Variants in SETDB2 observed in about 807,000 individuals in gnomAD.
SETDB2 encodes the protein SET domain bifurcated histone lysine methyltransferase 2.
SETDB2 carries 56 observed loss-of-function variants against 82.5 expected under a neutral mutation model. The observed-to-expected ratio is 0.68, with a 90% CI of 0.55 to 0.85. SETDB2 has a LOEUF of 0.85. Ranked by LOEUF, SETDB2 falls within the 40% of genes least tolerant of loss-of-function variation. The pLI is 0.00. For synonymous variants in SETDB2, 272 were observed against 284.9 expected, an observed-to-expected ratio of 0.95 and a Z score of 0.46; for missense variants, 677 against 816.4, an observed-to-expected ratio of 0.83 and a Z score of 2.08.
chr13:49,470,689 A>G (rs941681837), intron 5 of SETDB2, among the ~76,000 whole-genome samples: 1 of 152,182 alleles, frequency 6.6e-6, no homozygotes, highest in African/African-American at 2.4e-5. Context: ...CTCTACAAAA[A>G]GTAACAAAAA....
intron 10 of SETDB2, among the ~76,000 whole-genome samples, chr13:49,484,990 A>G (rs1050193176): frequency 2.6e-5 from 4 of 152,266 alleles, no homozygotes; most frequent in Non-Finnish European, 5.9e-5. Context: ...ATGTTTCAGA[A>G]TTATGAGGAT....
intron 6 of SETDB2, among the ~76,000 whole-genome samples, chr13:49,478,358 C>G (rs1958412674): frequency 6.6e-6 from 1 of 152,198 alleles, no homozygotes; most frequent in African/African-American, 2.4e-5. Flanking sequence ...GCCAGTATCT[C>G]ACAGGGCCTG....
chr13:49,475,708 G>A (rs907095829), intron 5 of SETDB2, among the ~76,000 whole-genome samples: 2 of 151,804 alleles, frequency 1.3e-5, no homozygotes, highest in African/African-American at 4.8e-5. Flanking sequence ...GGCTGATCTT[G>A]AGCTCCTGAG....
chr13:49,450,614 T>C (rs1361543846), intron 1 of SETDB2, among the ~76,000 whole-genome samples: 2 of 152,126 alleles, frequency 1.3e-5, no homozygotes, highest in African/African-American at 4.8e-5. Context: ...TAGCTTCCCA[T>C]CTGTTTCCTT....
rs893811882 is a variant in SETDB2 at position 49,444,439 on chromosome 13, C to T, written c.-760C>T. 40 of 183,432 alleles carry T rather than the reference C, an allele frequency of 2.2e-4. No individual in the cohort carries two copies. The highest frequency in any genetic ancestry group is 3.4e-4 in the Non-Finnish European group (29 of 84,450). The allele number at this position is 183,432 out of a possible 1,614,324, so 11.4% of individuals were successfully genotyped here. A position where few individuals can be genotyped will look rare whatever the true frequency, so the allele number is the denominator to read the frequency against. On this transcript the variant is annotated 5_prime_UTR_variant, in exon 1 of 14. Transcript: ENST00000611815. ...AGCCCCACCCGCGGAGGAACCCAGCCTTGCCAACGGAGCTGGCGGAGCTCA... is the reference window on the plus strand; with the variant it reads ...AGCCCCACCCGCGGAGGAACCCAGCTTTGCCAACGGAGCTGGCGGAGCTCA...
intron 4 of SETDB2, among the ~76,000 whole-genome samples, chr13:49,465,303 A>G (rs1188976146): frequency 6.6e-6 from 1 of 152,150 alleles, no homozygotes; most frequent in Non-Finnish European, 1.5e-5. Context: ...GAGAGAAATT[A>G]TTTCCCTTTC....
At chr13:49,475,551 A>G (rs1958338280) in intron 5 of SETDB2, among the ~76,000 whole-genome samples, 1 of 151,774 alleles carries the variant, frequency 6.6e-6, no homozygotes. Flanking sequence ...CAATGGTGTG[A>G]TCATGATTCA....
chr13:49,467,164 C>G (rs1958132138), intron 4 of SETDB2, among the ~76,000 whole-genome samples: 1 of 151,944 alleles, frequency 6.6e-6, no homozygotes, highest in Non-Finnish European at 1.5e-5. Flanking sequence ...TTGGGAGGCC[C>G]AGGTGCACGG....
intron 5 of SETDB2, among the ~76,000 whole-genome samples, chr13:49,470,926 G>T (rs1566165442): frequency 6.7e-6 from 1 of 148,914 alleles, no homozygotes; most frequent in Non-Finnish European, 1.5e-5. Context: ...CAGGCTTTTG[G>T]TGTTTTTTTG....
chr13:49,449,101 T>C (rs572384220), intron 1 of SETDB2, among the ~76,000 whole-genome samples: 32 of 152,242 alleles, frequency 2.1e-4, no homozygotes, highest in Non-Finnish European at 2.9e-4. Context: ...GGGTCTCTTA[T>C]TTTAAAATAT....
intron 5 of SETDB2, among the ~76,000 whole-genome samples, chr13:49,470,539 T>C (rs6561525): frequency 0.79 from 120,108 of 152,202 alleles, 48,171 homozygotes; most frequent in African/African-American, 0.93. Flanking sequence ...CAGGAATTCT[T>C]AGCCCCAGCT....
Position 49,444,293 on chromosome 13 carries a change from A to G in SETDB2, c.-906A>G. 6.1e-6 allele frequency: 2 copies of G among 325,568 alleles called. No homozygotes were observed. The highest frequency in any genetic ancestry group is 1.2e-5 in the Non-Finnish European group (2 of 164,450). The allele number at this position is 325,568 out of a possible 1,614,324, so 20.2% of individuals were successfully genotyped here. A position where few individuals can be genotyped will look rare whatever the true frequency, so the allele number is the denominator to read the frequency against. On this transcript the variant is annotated 5_prime_UTR_variant, in exon 1 of 14. Transcript: ENST00000611815. ...CCCGGCGGAGGTTACGCCTTCCCTC[A>G]TCCCCGGTAGAGGCAGGGCGGGACT... is the stretch of plus-strand genomic sequence containing the variant.
chr13:49,488,772 GTT>G, intron 12 of SETDB2, 142 bp downstream of exon 12: 1 of 647,510 alleles, frequency 1.5e-6, no homozygotes, highest in Non-Finnish European at 2.6e-6. Context: ...ACAGTTGGAT[GTT>G]TTACTTGACC....
At chr13:49,456,094 T>C (rs559229053) in intron 2 of SETDB2, among the ~76,000 whole-genome samples, 4 of 152,276 alleles carry the variant, frequency 2.6e-5, no homozygotes, top group Non-Finnish European at 5.9e-5. Flanking sequence ...TTAAATAGTT[T>C]GTCCTTGTGT....
intron 11 of SETDB2, among the ~76,000 whole-genome samples, chr13:49,486,999 A>ATGCATGTGAGCCACAG (rs544032235): frequency 1.9e-3 from 288 of 152,244 alleles, no homozygotes; most frequent in African/African-American, 6.3e-3. Context: ...TTATTTTATC[A>ATGCATGTGAGCCACAG]TGCATGTGAG....
At chr13:49,463,741 A>G (rs1226653407) in intron 4 of SETDB2, among the ~76,000 whole-genome samples, 1 of 152,220 alleles carries the variant, frequency 6.6e-6, no homozygotes, top group Admixed American at 6.5e-5. Flanking sequence ...TGCTTAGATA[A>G]AACAGAATAC....
At position 49,461,100 on chromosome 13, in the gene SETDB2, A is replaced by G; in HGVS notation, c.146A>G (p.Tyr49Cys). Residue 49 changes from tyrosine (Y) to cysteine (C), a missense_variant, in exon 4 of 14, where the codon TAC becomes TGC. This residue lies in a region of SETDB2 where 243 missense variants were observed against 237.2 expected (regional missense o/e 1.02). Coordinates refer to ENST00000611815, the MANE Select transcript of SETDB2 (RefSeq NM_001160308.3). ...IKDGSATNKE[Y>C]IQAMILVNEA... ...GCTGTTTTTCTGTCTTTAACAGAATACATCCAAGCAATGATTCTAGTGAAT... is the reference window on the plus strand; with the variant it reads ...GCTGTTTTTCTGTCTTTAACAGAATGCATCCAAGCAATGATTCTAGTGAAT... 6.2e-7 allele frequency: 1 copy of G among 1,611,218 alleles called. No homozygotes were observed. The highest frequency in any genetic ancestry group is 2.2e-5 in the East Asian group (1 of 44,748).
chr13:49,484,820 CT>C (rs1958561739), intron 10 of SETDB2, among the ~76,000 whole-genome samples: 1 of 152,106 alleles, frequency 6.6e-6, no homozygotes, highest in African/African-American at 2.4e-5. Flanking sequence ...TGCCCTCTGC[CT>C]GGTAATGGTA....
chr13:49,471,934 A>ATATATATT (rs1378783393), intron 5 of SETDB2, among the ~76,000 whole-genome samples: 83 of 119,256 alleles, frequency 7.0e-4, no homozygotes, highest in African/African-American at 2.3e-3. Flanking sequence ...ATATATATAT[A>ATATATATT]TTTTTTTTTT....
Sources: gnomAD v4.1 joint callset for allele counts (sites outside exome capture counted in the v4.1 genomes callset) on GRCh38, gnomAD v4.1.1 for gene constraint, gnomAD v4.1.1 regional missense constraint, MANE v1.5 for transcripts, NCBI Gene and HGNC (gene_info 2026-07-23, HGNC 2026-07-21) for gene names.